The following PAPPA2 variants were observed in gnomAD, a reference collection of about 807,000 sequenced individuals.
The protein encoded by PAPPA2 is pappalysin 2, also known as pappalysin-2.
Under a neutral mutation model 176.4 loss-of-function variants are expected in PAPPA2, and 86 were observed. That is an observed-to-expected ratio of 0.49 (90% CI 0.41 to 0.58). PAPPA2 has a LOEUF of 0.58. Ranked by LOEUF, PAPPA2 falls within the 20% of genes least tolerant of loss-of-function variation. The pLI is 0.00. For synonymous variants in PAPPA2, 809 were observed against 852.2 expected (o/e 0.95, Z 0.88); for missense variants, 2,073 against 2,256.9 (o/e 0.92, Z 1.65).
chr1:176,698,984 T>A lies in PAPPA2; in HGVS notation c.2747-116T>A, dbSNP rs1660513458. The A allele has an allele frequency of 3.7e-6, 5 of 1,347,420 alleles. No homozygotes were observed. In the South Asian group the frequency reaches 7.1e-5, roughly 19 times the overall value. The allele number at this position is 1,347,420 out of a possible 1,614,324, so 83.5% of individuals were successfully genotyped here. Reference sequence around the variant, plus strand: ...ATCTAACCTGCTAAGATGACCAACTTCTACAGGAATTCTAAAAGTTCTCTC... The same window carrying A: ...ATCTAACCTGCTAAGATGACCAACTACTACAGGAATTCTAAAAGTTCTCTC... On this transcript the variant is annotated intron_variant, in intron 7 of 22. Coordinates refer to ENST00000367662, the MANE Select transcript of PAPPA2 (RefSeq NM_020318.3).
At chr1:176,842,249 A>C (rs965042208) in intron 22 of PAPPA2, 131 bp from the exon 23 acceptor site, 8 of 792,744 alleles carry the variant, frequency 1.0e-5, no homozygotes, top group African/African-American at 1.7e-5. Flanking sequence ...CTGCGTGTTA[A>C]TTTCCAGTTT....
intron 2 of PAPPA2, among the ~76,000 whole-genome samples, chr1:176,582,135 G>A (rs1182917507): frequency 4.6e-5 from 7 of 151,772 alleles, no homozygotes. Context: ...TACCGTGTTA[G>A]CCAGGATAGT....
At chr1:176,531,918 C>T (rs984306696) in intron 1 of PAPPA2, among the ~76,000 whole-genome samples, 1 of 152,172 alleles carries the variant, frequency 6.6e-6, no homozygotes. Context: ...TTAATGATAG[C>T]ACATCCATTT....
chr1:176,690,326 C>G lies in PAPPA2; in HGVS notation c.2327C>G (p.Pro776Arg). Residue 776 changes from proline to arginine, a missense_variant, in exon 5 of 23, where the codon CCC becomes CGC. Physicochemically the swap from Pro to Arg is moderately radical, Grantham distance 103. Around this residue, in one of 4 missense-constraint regions of PAPPA2, gnomAD observed 1,196 missense variants for 1,330.4 expected, o/e 0.90. Coordinates refer to ENST00000367662, the MANE Select transcript of PAPPA2 (RefSeq NM_020318.3). ...GGAGACCTCTGTGCCGACACCGCCC[C>G]CACTCCCAAGAGTGAGCTGTGCCGG... ...ETGDLCADTA[P>R]TPKSELCREP... 1 of 1,614,166 alleles carries G rather than the reference C, an allele frequency of 6.2e-7. No homozygotes were observed. Among genetic ancestry groups the G allele is most frequent in the Non-Finnish European group, 8.5e-7 (1 of 1,180,016 alleles).
At chr1:176,702,884 G>C (rs1213238376) in intron 9 of PAPPA2, 149 bp downstream of exon 9, 4 of 1,124,846 alleles carry the variant, frequency 3.6e-6, no homozygotes, top group Non-Finnish European at 3.7e-6. Flanking sequence ...AGGGAGCAAG[G>C]CACCATTTGA....
chr1:176,729,511 G>C (rs909802367), intron 12 of PAPPA2, among the ~76,000 whole-genome samples: 4 of 151,994 alleles, frequency 2.6e-5, no homozygotes, highest in African/African-American at 9.7e-5. Flanking sequence ...CAGAATCTCT[G>C]GGACACATTT....
intron 1 of PAPPA2, among the ~76,000 whole-genome samples, chr1:176,483,103 G>A (rs906800459): frequency 3.9e-5 from 6 of 152,186 alleles, no homozygotes; most frequent in African/African-American, 1.4e-4. Context: ...AGTGCCATTG[G>A]ACATACTGGA....
At chr1:176,721,122 A>T (rs1433899832) in intron 12 of PAPPA2, among the ~76,000 whole-genome samples, 1 of 152,188 alleles carries the variant, frequency 6.6e-6, no homozygotes, top group East Asian at 1.9e-4. Context: ...TTTACCAGCC[A>T]TCAAGGCATC....
In PAPPA2 at chr1:176,634,612, A is replaced by G. The variant is rs1239518397; in HGVS notation, c.1992-36358A>G. ...AATAAAAATATATATATATAAAATAAAAAAAAACACTTGAACCCAGGTGAT... is the reference window on the plus strand; with the variant it reads ...AATAAAAATATATATATATAAAATAGAAAAAAACACTTGAACCCAGGTGAT... On this transcript the variant is annotated intron_variant, in intron 3 of 22. Transcript: ENST00000367662. Among the ~76,000 whole-genome samples the G allele has an allele frequency of 4.7e-5, 7 of 150,390 alleles. No individual in the cohort carries two copies. The South Asian group carries it at 1.1e-3, about 23-fold the overall frequency.
intron 1 of PAPPA2, among the ~76,000 whole-genome samples, chr1:176,511,774 T>C (rs1558409763): frequency 6.6e-6 from 1 of 152,158 alleles, no homozygotes; most frequent in African/African-American, 2.4e-5. Context: ...TCCGGGCTTC[T>C]GACATTGGCA....
intron 2 of PAPPA2, among the ~76,000 whole-genome samples, chr1:176,560,267 T>C (rs1213877062): frequency 1.3e-5 from 2 of 152,134 alleles, no homozygotes; most frequent in African/African-American, 2.4e-5. Context: ...TCAACTAAAG[T>C]TTCCCCTCTC....
intron 14 of PAPPA2, among the ~76,000 whole-genome samples, chr1:176,746,069 G>T (rs775900221): frequency 1.3e-5 from 2 of 152,194 alleles, no homozygotes; most frequent in African/African-American, 4.8e-5. Flanking sequence ...AAACTCACTA[G>T]GTGGTGAGCA....
At chr1:176,628,975 G>A (rs1300753568) in intron 3 of PAPPA2, among the ~76,000 whole-genome samples, 1 of 152,180 alleles carries the variant, frequency 6.6e-6, no homozygotes, top group Non-Finnish European at 1.5e-5. Flanking sequence ...GGCCTTCACC[G>A]GCAATGGAAA....
chr1:176,775,819 T>C (rs955158536), intron 17 of PAPPA2, among the ~76,000 whole-genome samples: 1 of 152,192 alleles, frequency 6.6e-6, no homozygotes, highest in Non-Finnish European at 1.5e-5. Flanking sequence ...GATTTTGACT[T>C]TCCTGAAAGA....
chr1:176,623,634 T>A (rs1398773910), intron 3 of PAPPA2, among the ~76,000 whole-genome samples: 50 of 56,906 alleles, frequency 8.8e-4, no homozygotes, highest in Non-Finnish European at 1.8e-3. Flanking sequence ...TTTTTTACTT[T>A]CTTTCTTTCT....
At chr1:176,681,767 T>A (rs1659595724) in intron 4 of PAPPA2, among the ~76,000 whole-genome samples, 1 of 152,176 alleles carries the variant, frequency 6.6e-6, no homozygotes, top group South Asian at 2.1e-4. Context: ...AAATGTGTTT[T>A]TAGGAATGCA....
At chr1:176,635,284 T>C (rs1362822129) in intron 3 of PAPPA2, among the ~76,000 whole-genome samples, 1 of 152,200 alleles carries the variant, frequency 6.6e-6, no homozygotes, top group African/African-American at 2.4e-5. Context: ...CTGTTAACAG[T>C]GTTTGATGTG....
chr1:176,630,742 A>G (rs2102707959), intron 3 of PAPPA2, among the ~76,000 whole-genome samples: 1 of 152,342 alleles, frequency 6.6e-6, no homozygotes, highest in East Asian at 1.9e-4. Context: ...ACATGTATTC[A>G]TGGCATAGAT....
At chr1:176,669,357 A>C (rs967851302) in intron 3 of PAPPA2, among the ~76,000 whole-genome samples, 1 of 151,700 alleles carries the variant, frequency 6.6e-6, no homozygotes, top group Non-Finnish European at 1.5e-5. Context: ...TGGCCTATTG[A>C]AACATCTCCA....
Sources: allele counts gnomAD v4.1 joint callset (sites outside exome capture counted in the v4.1 genomes callset), GRCh38; gene constraint gnomAD v4.1.1; regional missense constraint gnomAD v4.1.1; transcripts MANE v1.5; gene names NCBI Gene and HGNC (gene_info 2026-07-23, HGNC 2026-07-21).